Variants in CCDC146 observed in about 807,000 individuals in gnomAD.
The protein encoded by CCDC146 is coiled-coil domain-containing protein 146.
CCDC146 carries 92 observed loss-of-function variants against 119.3 expected under a neutral mutation model. The ratio of observed to expected loss-of-function variants is 0.77; its 90% CI spans 0.65 to 0.92. CCDC146 has a LOEUF of 0.92. CCDC146 is among the 40% of genes least tolerant of loss of function. The pLI is 0.00. For missense variants in CCDC146, 1,000 were observed against 1,103.0 expected, an observed-to-expected ratio of 0.91 and a Z score of 1.32; for synonymous variants, 372 against 371.8, an observed-to-expected ratio of 1.00 and a Z score of -0.01.
At chr7:77,122,875 T>C (rs1331171429) in intron 1 of CCDC146, 143 bp downstream of exon 1, 2 of 152,552 alleles carry the variant, frequency 1.3e-5, no homozygotes, top group African/African-American at 4.8e-5. Flanking sequence ...AAGAGCAAGA[T>C]TGGTGCTTTT....
rs534372836 is a variant in CCDC146 at position 77,217,197 on chromosome 7, G to A, written c.157-19750G>A. Among the ~76,000 whole-genome samples the A allele has an allele frequency of 2.0e-5, 3 of 152,032 alleles. No individual in the cohort carries two copies. The South Asian group carries it at 6.2e-4, about 32-fold the overall frequency. On this transcript the variant is annotated intron_variant, in intron 2 of 18. Transcript: ENST00000285871. Reference sequence around the variant, plus strand: ...ACCTCAAATGATACAGTCATATAACGTTATGCTCAGGTAGGTACAGAGATG... The same window carrying A: ...ACCTCAAATGATACAGTCATATAACATTATGCTCAGGTAGGTACAGAGATG...
chr7:77,291,974 C>T (rs1392329588), intron 17 of CCDC146, among the ~76,000 whole-genome samples: 1 of 151,994 alleles, frequency 6.6e-6, no homozygotes, highest in Non-Finnish European at 1.5e-5. Flanking sequence ...AAACTAATAA[C>T]GTCAAATTAA....
intron 2 of CCDC146, among the ~76,000 whole-genome samples, chr7:77,232,754 C>T (rs1286239457): frequency 6.6e-6 from 1 of 152,216 alleles, no homozygotes; most frequent in Non-Finnish European, 1.5e-5. Context: ...CGAACAGCTA[C>T]AGCTGCCCAT....
intron 2 of CCDC146, among the ~76,000 whole-genome samples, chr7:77,172,211 TG>T: frequency 6.6e-6 from 1 of 152,372 alleles, no homozygotes; most frequent in East Asian, 1.9e-4. Context: ...AATTGGCATC[TG>T]TAAATTTATT....
intron 1 of CCDC146, among the ~76,000 whole-genome samples, chr7:77,135,970 T>C (rs538995832): frequency 2.0e-3 from 307 of 152,306 alleles, no homozygotes; most frequent in African/African-American, 7.2e-3. Flanking sequence ...TAATAATCCT[T>C]AACACATGTG....
At chr7:77,144,731 A>G (rs534652857) in intron 1 of CCDC146, among the ~76,000 whole-genome samples, 1 of 151,812 alleles carries the variant, frequency 6.6e-6, no homozygotes, top group East Asian at 1.9e-4. Context: ...ATTGATTTGC[A>G]TATGTTGAAC....
intron 4 of CCDC146, among the ~76,000 whole-genome samples, chr7:77,247,681 A>C (rs1268278474): frequency 1.3e-5 from 2 of 152,242 alleles, no homozygotes; most frequent in African/African-American, 4.8e-5. Context: ...AATGGCTAAG[A>C]ATCAAATGAA....
At chr7:77,293,426 C>A (rs1179170594) in intron 18 of CCDC146, among the ~76,000 whole-genome samples, 1 of 152,234 alleles carries the variant, frequency 6.6e-6, no homozygotes, top group African/African-American at 2.4e-5. Flanking sequence ...GGGCCCACCC[C>A]ATAGCCTTAC....
chr7:77,226,823 A>G (rs192430059), intron 2 of CCDC146, among the ~76,000 whole-genome samples: 1 of 152,322 alleles, frequency 6.6e-6, no homozygotes, highest in East Asian at 1.9e-4. Context: ...TTTTCCATGT[A>G]TGATATTGTT....
chr7:77,129,417 A>G (rs944631386), intron 1 of CCDC146, among the ~76,000 whole-genome samples: 26 of 152,106 alleles, frequency 1.7e-4, no homozygotes, highest in African/African-American at 5.8e-4. Context: ...ATTTCCTGTG[A>G]GTGAAAAAGT....
chr7:77,266,137 T>C (rs1793398473), intron 9 of CCDC146, among the ~76,000 whole-genome samples: 1 of 152,230 alleles, frequency 6.6e-6, no homozygotes. Context: ...GGTTAGAATA[T>C]CATGAGTCTG....
chr7:77,139,861 C>A (rs1218857060), intron 1 of CCDC146, among the ~76,000 whole-genome samples: 1 of 148,322 alleles, frequency 6.7e-6, no homozygotes, highest in African/African-American at 2.5e-5. Context: ...CAATTCTCTC[C>A]CCTTCCTTCC....
intron 2 of CCDC146, among the ~76,000 whole-genome samples, chr7:77,230,981 A>G (rs1249246523): frequency 6.6e-6 from 1 of 152,200 alleles, no homozygotes; most frequent in East Asian, 1.9e-4. Context: ...GTGGTCAACT[A>G]TGGTCCAAAA....
chr7:77,276,899 C>T (rs1793656331), intron 11 of CCDC146, among the ~76,000 whole-genome samples: 1 of 152,082 alleles, frequency 6.6e-6, no homozygotes, highest in South Asian at 2.1e-4. Flanking sequence ...GGTGAAAGCC[C>T]ATCTCTACTA....
intron 2 of CCDC146, among the ~76,000 whole-genome samples, chr7:77,174,438 A>G (rs538207635): frequency 6.6e-6 from 1 of 152,342 alleles, no homozygotes; most frequent in East Asian, 1.9e-4. Flanking sequence ...TACACGGAAT[A>G]GGAGCTCAGA....
intron 2 of CCDC146, among the ~76,000 whole-genome samples, chr7:77,171,946 A>T (rs1206406948): frequency 6.6e-6 from 1 of 152,248 alleles, no homozygotes; most frequent in Non-Finnish European, 1.5e-5. Flanking sequence ...AGAATCTCTC[A>T]ATATACATGG....
At chr7:77,217,060 T>C (rs935735369) in intron 2 of CCDC146, among the ~76,000 whole-genome samples, 1 of 152,152 alleles carries the variant, frequency 6.6e-6, no homozygotes, top group African/African-American at 2.4e-5. Context: ...ATATTTTGAT[T>C]AGTGAACAAA....
At chr7:77,198,220 C>G (rs780001657) in intron 2 of CCDC146, 1 of 985,346 alleles carries the variant, frequency 1.0e-6, no homozygotes, top group South Asian at 4.7e-5. Context: ...TGACCCTTCC[C>G]TCCTTCACTG....
chr7:77,237,844 T>C (rs1294924283), intron 3 of CCDC146, among the ~76,000 whole-genome samples: 1 of 152,164 alleles, frequency 6.6e-6, no homozygotes, highest in Admixed American at 6.5e-5. Context: ...TGTGCTGTGA[T>C]TCTTTACCAC....
Sources: gnomAD v4.1 joint callset for allele counts (sites outside exome capture counted in the v4.1 genomes callset) on GRCh38, gnomAD v4.1.1 for gene constraint, MANE v1.5 for transcripts, NCBI Gene and HGNC (gene_info 2026-07-23, HGNC 2026-07-21) for gene names.